FGF13: variants seen among roughly 807,000 people sequenced by gnomAD.
The protein encoded by FGF13 is fibroblast growth factor homologous factor 2.
FGF13 carries 2 observed loss-of-function variants against 19.5 expected under a neutral mutation model. The observed-to-expected ratio is 0.10, with a 90% CI of 0.04 to 0.32. The LOEUF (loss-of-function observed/expected upper bound fraction) is 0.32. FGF13 is among the 10% of genes least tolerant of loss of function. The probability of loss-of-function intolerance (pLI) is 1.00; values close to 1 mark genes in which losing one functional copy is unlikely to be tolerated. For missense variants in FGF13, 113 were observed against 192.7 expected (o/e 0.59, Z 2.45); for synonymous variants, 72 against 76.9 (o/e 0.94, Z 0.33).
rs774875217 is a variant in FGF13 at position 138,790,799 on chromosome X, A to G, written c.217+66713T>C. On this transcript the variant is annotated intron_variant, in intron 3 of 6. Coordinates refer to the FGF13 transcript ENST00000436198. ...CTCTGTACTTTCAAAGCTATTTGCC[A>G]TACCCTTTCCAAAATGCACCATAGT... Among the ~76,000 whole-genome samples the G allele has an allele frequency of 5.4e-5, 6 of 112,142 alleles. No homozygotes were observed. In the South Asian group the frequency reaches 2.2e-3, roughly 41 times the overall value.
intron 1 of FGF13, among the ~76,000 whole-genome samples, chrX:139,098,168 G>A (rs1223785653): frequency 6.3e-5 from 7 of 111,427 alleles, no homozygotes; most frequent in Non-Finnish European, 1.3e-4. Context: ...GCGAGCATGG[G>A]CCAGGTTAGG....
chrX:139,108,404 G>A (rs1282569881), intron 1 of FGF13, among the ~76,000 whole-genome samples: 5 of 111,132 alleles, frequency 4.5e-5, no homozygotes, highest in Admixed American at 3.8e-4. Flanking sequence ...GATTGACTGG[G>A]AGGCAGAGGC....
chrX:138,934,366 G>A (rs916766192), intron 1 of FGF13, among the ~76,000 whole-genome samples: 1 of 112,110 alleles, frequency 8.9e-6, no homozygotes. Flanking sequence ...AGATAAGGAG[G>A]AGGAACATTC....
chrX:139,171,770 T>C (rs1452524827), intron 1 of FGF13, among the ~76,000 whole-genome samples: 3 of 112,158 alleles, frequency 2.7e-5, no homozygotes, highest in African/African-American at 9.7e-5. Flanking sequence ...AGTGTGCTAA[T>C]TGTTTTCTTT....
Position 138,621,367 on chromosome X carries a change from T to A in FGF13, c.*11483A>T, listed in dbSNP as rs1377637432. ...AATACACTCCTAAATAGCCAAAGAA[T>A]CAAAGAGCAAATCAAAAGAAAAATT... On this transcript the variant is annotated 3_prime_UTR_variant, in exon 5 of 5. Transcript: ENST00000315930. 9.1e-6 allele frequency: 1 copy of A among 109,569 alleles called. No individual in the cohort carries two copies. Among genetic ancestry groups the A allele is most frequent in the African/African-American group, 3.3e-5 (1 of 30,048 alleles). 9.0% of individuals were successfully genotyped at this position (109,569 alleles called of 1,213,427 possible).
intron 1 of FGF13, among the ~76,000 whole-genome samples, chrX:138,709,425 C>T (rs1314518116): frequency 3.6e-5 from 4 of 111,857 alleles, no homozygotes; most frequent in African/African-American, 1.3e-4. Context: ...GCATAAATAA[C>T]GTGGAACCCC....
At chrX:139,134,020 A>G (rs1006238318) in intron 1 of FGF13, among the ~76,000 whole-genome samples, 1 of 111,511 alleles carries the variant, frequency 9.0e-6, no homozygotes, top group African/African-American at 3.3e-5. Context: ...CCTGACTTCA[A>G]TAATTATTTT....
chrX:138,924,348 A>G (rs1290060027), intron 1 of FGF13, among the ~76,000 whole-genome samples: 1 of 111,536 alleles, frequency 9.0e-6, no homozygotes, highest in African/African-American at 3.3e-5. Flanking sequence ...GATGGCCACT[A>G]GAAGCACCAG....
At chrX:138,955,147 A>G (rs2124294658) in intron 1 of FGF13, among the ~76,000 whole-genome samples, 1 of 113,114 alleles carries the variant, frequency 8.8e-6, no homozygotes, top group South Asian at 3.6e-4. Flanking sequence ...CTTTTAAGAT[A>G]ATTTTGACAC....
At chrX:138,853,247 G>A (rs1175878958), downstream of FGF13, among the ~76,000 whole-genome samples, 1 of 111,497 alleles carries the variant, frequency 9.0e-6, no homozygotes, top group Non-Finnish European at 1.9e-5. Context: ...AGATGAGGAA[G>A]GCACAACAGG....
chrX:138,823,666 C>A (rs1468782646), intron 3 of FGF13, among the ~76,000 whole-genome samples: 1 of 111,514 alleles, frequency 9.0e-6, no homozygotes, highest in East Asian at 2.8e-4. Flanking sequence ...TACAATTACT[C>A]CTGCTATTAC....
chrX:138,670,072 A>T (rs772587093), intron 3 of FGF13, among the ~76,000 whole-genome samples: 1 of 112,132 alleles, frequency 8.9e-6, no homozygotes, highest in South Asian at 3.7e-4. Context: ...AAAAAACGTC[A>T]AGAATATCAG....
intron 1 of FGF13, among the ~76,000 whole-genome samples, chrX:139,064,288 T>C (rs2092347103): frequency 2.1e-4 from 9 of 42,646 alleles, no homozygotes; most frequent in Admixed American, 8.1e-4. Context: ...TTTCTTTTTT[T>C]TTTTTTTTTT....
In FGF13 at chrX:138,901,921, A is replaced by G. The variant is rs184589639; in HGVS notation, c.-112-37271T>C. On this transcript the variant is annotated intron_variant, in intron 1 of 2. Coordinates refer to the FGF13 transcript ENST00000421460. ...AACACTAACTGTAAATATTAAAAGA[A>G]ATAATGGCTAATGGAGGAATTGTGG... 2.7e-5 allele frequency among the ~76,000 whole-genome samples: 3 copies of G among 112,607 alleles called. No individual in the cohort carries two copies. The East Asian group carries it at 8.4e-4, about 31-fold the overall frequency.
At chrX:139,090,476 G>T (rs1281080778) in intron 1 of FGF13, among the ~76,000 whole-genome samples, 1 of 111,382 alleles carries the variant, frequency 9.0e-6, no homozygotes, top group Non-Finnish European at 1.9e-5. Context: ...GTACATTTCA[G>T]GTCTGTTACA....
intron 1 of FGF13, among the ~76,000 whole-genome samples, chrX:138,724,086 GT>G (rs1185632196): frequency 8.9e-6 from 1 of 111,953 alleles, no homozygotes; most frequent in Non-Finnish European, 1.9e-5. Flanking sequence ...GAGTGGAACT[GT>G]ACACGGAGCT....
intron 3 of FGF13, among the ~76,000 whole-genome samples, chrX:138,700,304 T>C (rs1267978761): frequency 2.7e-5 from 3 of 111,730 alleles, no homozygotes; most frequent in Non-Finnish European, 3.8e-5. Flanking sequence ...CTTTAGGTCA[T>C]TGTCCTGTTC....
chrX:139,160,198 G>A lies in FGF13; in HGVS notation c.-113+43218C>T, dbSNP rs184973699. Reference sequence around the variant, plus strand: ...AGGATTAAGAAACTCACTCAAAACCGCACAACCACATGGAAACTGAACAAC... The same window carrying A: ...AGGATTAAGAAACTCACTCAAAACCACACAACCACATGGAAACTGAACAAC... On this transcript the variant is annotated intron_variant, in intron 1 of 2. Coordinates refer to the FGF13 transcript ENST00000421460. Among the ~76,000 whole-genome samples, 491 of 111,969 alleles carry A rather than the reference G, an allele frequency of 4.4e-3. 4 individuals are homozygous for A. Among genetic ancestry groups the A allele is most frequent in the Admixed American group, 0.034 (360 of 10,530 alleles).
intron 1 of FGF13, among the ~76,000 whole-genome samples, chrX:139,181,273 A>ATGTCCTT (rs1438406263): frequency 5.3e-5 from 6 of 112,377 alleles, no homozygotes; most frequent in African/African-American, 1.9e-4. Context: ...AACACAGGGC[A>ATGTCCTT]TGTTCTTGAT....
Sources: allele counts gnomAD v4.1 joint callset (sites outside exome capture counted in the v4.1 genomes callset), GRCh38; gene constraint gnomAD v4.1.1; transcripts MANE v1.5; gene names NCBI Gene and HGNC (gene_info 2026-07-23, HGNC 2026-07-21).